The following SLC5A11 variants were observed in gnomAD, a reference collection of about 807,000 sequenced individuals.
SLC5A11 encodes solute carrier family 5 member 11, also known as sodium/myo-inositol cotransporter 2.
In SLC5A11, 48 loss-of-function variants were observed where a neutral mutation model predicts 69.8. The ratio of observed to expected loss-of-function variants is 0.69; its 90% confidence interval spans 0.55 to 0.87. SLC5A11 has a LOEUF of 0.87. Ranked by LOEUF, SLC5A11 falls within the 40% of genes least tolerant of loss-of-function variation. The probability of loss-of-function intolerance (pLI) is 0.00; values close to 1 mark genes in which losing one functional copy is unlikely to be tolerated. For synonymous variants in SLC5A11, 319 were observed against 342.4 expected, an observed-to-expected ratio of 0.93 and a Z score of 0.75; for missense variants, 784 against 866.1, an observed-to-expected ratio of 0.91 and a Z score of 1.19.
At chr16:24,853,445 T>G (rs1247583072) in intron 1 of SLC5A11, among the ~76,000 whole-genome samples, 1 of 152,168 alleles carries the variant, frequency 6.6e-6, no homozygotes, top group Non-Finnish European at 1.5e-5. Flanking sequence ...TTGCAGGGCC[T>G]GGCGTGGAGC....
chr16:24,881,422 G>C (rs1435007458), intron 7 of SLC5A11, among the ~76,000 whole-genome samples: 1 of 152,034 alleles, frequency 6.6e-6, no homozygotes, highest in Non-Finnish European at 1.5e-5. Flanking sequence ...AAGTAGCTGA[G>C]ACTACAGGTG....
intron 3 of SLC5A11, among the ~76,000 whole-genome samples, chr16:24,866,005 C>T (rs1354579667): frequency 6.7e-6 from 1 of 149,730 alleles, no homozygotes; most frequent in Non-Finnish European, 1.5e-5. Flanking sequence ...TAATTATAAT[C>T]CTCAGAGCAA....
intron 9 of SLC5A11, among the ~76,000 whole-genome samples, chr16:24,892,077 A>T (rs373862463): frequency 2.9e-4 from 44 of 151,282 alleles, no homozygotes; most frequent in African/African-American, 1.0e-3. Context: ...AAAAGTAAAA[A>T]TTAGCCAGGC....
At chr16:24,908,116 G>A (rs1195800834) in exon 13 of SLC5A11, 3 of 1,594,864 alleles carry the variant, frequency 1.9e-6, no homozygotes, top group Admixed American at 1.8e-5. Context: ...GTTTCTGGAA[G>A]AGGACCAATG....
chr16:24,890,266 T>C (rs1457744826), intron 8 of SLC5A11, among the ~76,000 whole-genome samples: 1 of 151,720 alleles, frequency 6.6e-6, no homozygotes, highest in Admixed American at 6.6e-5. Flanking sequence ...GGAGTATCAC[T>C]TGAGGTCAGG....
intron 4 of SLC5A11, among the ~76,000 whole-genome samples, chr16:24,870,388 C>T (rs1052184695): frequency 2.0e-5 from 3 of 150,306 alleles, no homozygotes; most frequent in East Asian, 2.0e-4. Context: ...AGTGAAACTC[C>T]GTCCCCCTCC....
chr16:24,855,671 A>AAAAT (rs58100997), intron 1 of SLC5A11, among the ~76,000 whole-genome samples: 38,891 of 149,932 alleles, frequency 0.26, 5,052 homozygotes, highest in East Asian at 0.35. Flanking sequence ...ACCTTGTCTC[A>AAAAT]AAATAAATAA....
At chr16:24,854,345 C>T (rs752795657) in intron 1 of SLC5A11, among the ~76,000 whole-genome samples, 2 of 152,176 alleles carry the variant, frequency 1.3e-5, no homozygotes, top group African/African-American at 2.4e-5. Context: ...AGACTGGATT[C>T]GAGTCCCAGC....
At chr16:24,877,414 TG>T (rs1567623239) in intron 7 of SLC5A11, 51 bp downstream of exon 8, 5 of 1,383,336 alleles carry the variant, frequency 3.6e-6, no homozygotes, top group Non-Finnish European at 5.1e-6. Flanking sequence ...GCAGGGGCTG[TG>T]GGCCACTCTA....
At chr16:24,905,640 G>GCGCGCGCGCACA (rs1443035551) in intron 10 of SLC5A11, among the ~76,000 whole-genome samples, 5 of 136,698 alleles carry the variant, frequency 3.7e-5, no homozygotes, top group South Asian at 2.4e-4. Context: ...GCGCGCGCGC[G>GCGCGCGCGCACA]CACACACACA....
intron 7 of SLC5A11, 38 bp from the exon 9 acceptor site, chr16:24,884,013 A>G: frequency 6.3e-7 from 1 of 1,598,814 alleles, no homozygotes; most frequent in Non-Finnish European, 8.6e-7. Flanking sequence ...CCTTCTCGTT[A>G]GACTCCCTGA....
chr16:24,871,701 A>AC (rs2047315228), intron 4 of SLC5A11, among the ~76,000 whole-genome samples: 1 of 152,178 alleles, frequency 6.6e-6, no homozygotes, highest in Non-Finnish European at 1.5e-5. Flanking sequence ...CGCCTGGCAT[A>AC]CAGTACTCAT....
exon 11 of SLC5A11, chr16:24,906,743 G>A (rs372298696): frequency 7.4e-6 from 12 of 1,612,948 alleles, no homozygotes; most frequent in East Asian, 6.7e-5. Context: ...TCCCAAACTC[G>A]TGCTGGAACT....
chr16:24,858,701 C>T, exon 2 of SLC5A11: 3 of 1,611,848 alleles, frequency 1.9e-6, no homozygotes, highest in Non-Finnish European at 2.5e-6. Context: ...GGATGCGTTT[C>T]CCCAGAAGGG....
chr16:24,879,156 C>T (rs1453001638), intron 7 of SLC5A11, among the ~76,000 whole-genome samples: 1 of 151,020 alleles, frequency 6.6e-6, no homozygotes, highest in Non-Finnish European at 1.5e-5. Context: ...TTTTTTTTTA[C>T]ATAGAATATT....
Position 24,858,781 on chromosome 16 carries a change from A to T in SLC5A11, c.135+3A>T. 6.2e-7 allele frequency: 1 copy of T among 1,608,836 alleles called. No individual in the cohort carries two copies. The highest frequency in any genetic ancestry group is 8.5e-7 in the Non-Finnish European group (1 of 1,177,586). On this transcript the variant is annotated splice_donor_region_variant and intron_variant, in intron 2 of 15. Transcript: ENST00000347898. Reference sequence around the variant, plus strand: ...TTGTCCTGGCTGTTGGACTATGGGTAAGCCAGGCCACTGGGGGATGGGGGA... The same window carrying T: ...TTGTCCTGGCTGTTGGACTATGGGTTAGCCAGGCCACTGGGGGATGGGGGA...
intron 6 of SLC5A11, among the ~76,000 whole-genome samples, chr16:24,876,229 G>A (rs575723897): frequency 1.7e-4 from 26 of 151,884 alleles, no homozygotes; most frequent in African/African-American, 5.8e-4. Flanking sequence ...GAAGAAATTG[G>A]GAGAAAAGGT....
chr16:24,908,253 T>C, intron 13 of SLC5A11, 122 bp downstream of exon 14: 1 of 1,110,520 alleles, frequency 9.0e-7, no homozygotes, highest in Non-Finnish European at 1.3e-6. Flanking sequence ...AGAGGGAGGG[T>C]GAGTTCCATT....
chr16:24,888,309 A>C (rs1169178915), intron 8 of SLC5A11, among the ~76,000 whole-genome samples: 2 of 152,132 alleles, frequency 1.3e-5, no homozygotes, highest in Admixed American at 6.6e-5. Flanking sequence ...TAAAAGCTGC[A>C]ATTACAGACT....
Sources: allele counts gnomAD v4.1 joint callset (sites outside exome capture counted in the v4.1 genomes callset), GRCh38; gene constraint gnomAD v4.1.1; transcripts MANE v1.5; gene names NCBI Gene and HGNC (gene_info 2026-07-23, HGNC 2026-07-21).